The following SH3KBP1 variants were observed in gnomAD, a reference collection of about 807,000 sequenced individuals.
The protein encoded by SH3KBP1 is SH3 domain containing kinase binding protein 1.
In SH3KBP1, 8 loss-of-function variants were observed where a neutral mutation model predicts 50.1. That is an observed-to-expected ratio of 0.16 (90% CI 0.09 to 0.29). The LOEUF is 0.29. Ranked by LOEUF, SH3KBP1 falls within the 10% of genes least tolerant of loss-of-function variation. SH3KBP1 has a pLI of 1.00. For synonymous variants in SH3KBP1, 227 were observed against 218.6 expected, an observed-to-expected ratio of 1.04 and a Z score of -0.34; for missense variants, 377 against 535.2, an observed-to-expected ratio of 0.70 and a Z score of 2.92.
intron 2 of SH3KBP1, among the ~76,000 whole-genome samples, chrX:19,822,141 G>C (rs983124143): frequency 8.9e-6 from 1 of 111,965 alleles, no homozygotes; most frequent in African/African-American, 3.2e-5. Context: ...ATGTATCTTG[G>C]CATAGATTTC....
chrX:19,788,269 C>CAAAAAAAAA (rs1227301099), intron 2 of SH3KBP1, among the ~76,000 whole-genome samples: 8 of 25,558 alleles, frequency 3.1e-4, no homozygotes, highest in African/African-American at 6.0e-4. Context: ...ATTCTATCTC[C>CAAAAAAAAA]AAAAAAAAAA....
At chrX:19,617,871 T>C (rs1249881051) in intron 8 of SH3KBP1, among the ~76,000 whole-genome samples, 2 of 111,052 alleles carry the variant, frequency 1.8e-5, no homozygotes, top group Non-Finnish European at 3.8e-5. Context: ...GAAGTAACCT[T>C]TGAGTTCAGA....
rs772898760 is a variant in SH3KBP1, at chrX:19,661,552, C to CTT, written c.727-16079_727-16078dup. Among the ~76,000 whole-genome samples, 168 of 67,057 alleles carry CTT rather than the reference C, an allele frequency of 2.5e-3. 1 individual carries two copies. Among genetic ancestry groups the CTT allele is most frequent in the African/African-American group, 6.4e-3 (121 of 18,931 alleles). 58.2% of individuals were successfully genotyped at this position (67,057 alleles called of 115,157 possible). On this transcript the variant is annotated intron_variant, in intron 6 of 17. Coordinates refer to ENST00000397821, the MANE Select transcript of SH3KBP1 (RefSeq NM_031892.3). ...ATTATCAGTTCTTTTTAGCTTTTTA[C>CTT]TTTTTTTTTTTTTTTTTACTTTTAA... is the stretch of plus-strand genomic sequence containing the variant.
At chrX:19,686,699 G>GA (rs1299589166) in intron 5 of SH3KBP1, among the ~76,000 whole-genome samples, 2 of 110,159 alleles carry the variant, frequency 1.8e-5, no homozygotes, top group Admixed American at 9.6e-5. Context: ...GAGTGGCAAG[G>GA]AAAAAAAACT....
intron 8 of SH3KBP1, among the ~76,000 whole-genome samples, chrX:19,610,793 T>C (rs1304309104): frequency 8.9e-6 from 1 of 112,127 alleles, no homozygotes; most frequent in Non-Finnish European, 1.9e-5. Flanking sequence ...CATGTGTGAA[T>C]GGTTTGCTTA....
At chrX:19,594,859 A>C (rs1602597346) in intron 10 of SH3KBP1, 90 bp downstream of exon 10, 3 of 700,491 alleles carry the variant, frequency 4.3e-6, no homozygotes, top group Middle Eastern at 3.0e-4. Flanking sequence ...CACTTGAACC[A>C]GGAATCCCGA....
At chrX:19,613,102 C>T (rs1385209110) in intron 8 of SH3KBP1, among the ~76,000 whole-genome samples, 1 of 112,120 alleles carries the variant, frequency 8.9e-6, no homozygotes. Context: ...CTTGTGAGGC[C>T]CGACTGCCAT....
chrX:19,854,536 T>C (rs1232187675), intron 1 of SH3KBP1, among the ~76,000 whole-genome samples: 1 of 112,229 alleles, frequency 8.9e-6, no homozygotes, highest in Non-Finnish European at 1.9e-5. Context: ...AACCACATAA[T>C]AGGTCTGGAA....
intron 17 of SH3KBP1, 74 bp downstream of exon 17, chrX:19,537,643 G>T: frequency 1.2e-6 from 1 of 849,894 alleles, no homozygotes; most frequent in South Asian, 2.1e-5. Flanking sequence ...ATTTATTTTT[G>T]AAATAAAAGC....
At chrX:19,731,112 T>C (rs1304175989) in intron 3 of SH3KBP1, among the ~76,000 whole-genome samples, 2 of 110,782 alleles carry the variant, frequency 1.8e-5, no homozygotes, top group African/African-American at 6.6e-5. Context: ...GCTAATTTTG[T>C]ATTTCTAGTA....
rs752813115 is a variant in SH3KBP1 at position 19,542,132 on chromosome X, C to T, written c.1685G>A (p.Gly562Glu). 3 of 1,199,842 alleles carry T rather than the reference C, an allele frequency of 2.5e-6. No individual in the cohort carries two copies. The highest frequency in any genetic ancestry group is 3.4e-6 in the Non-Finnish European group (3 of 888,543). ...KPGTMAAGGG[G>E]PAPLSSAAPS... is the part of the protein sequence containing the mutation. ...CGCCGCTGAGGACAGAGGGGCTGGC[C>T]CACCGCCACCTGCTGCCATGGTCCC... The change falls in exon 16 of 18, where the codon GGG becomes GAG. Residue 562 changes from glycine to glutamate, a missense_variant. Gly to Glu is a moderately conservative substitution (Grantham distance 98). Transcript: ENST00000397821.
At chrX:19,804,129 G>A (rs993257992) in intron 2 of SH3KBP1, among the ~76,000 whole-genome samples, 4 of 111,394 alleles carry the variant, frequency 3.6e-5, no homozygotes, top group African/African-American at 6.5e-5. Flanking sequence ...CTAAGATCGC[G>A]CCACCGCACT....
At chrX:19,543,438 G>A (rs1218542814) in intron 15 of SH3KBP1, among the ~76,000 whole-genome samples, 1 of 111,813 alleles carries the variant, frequency 8.9e-6, no homozygotes, top group Non-Finnish European at 1.9e-5. Flanking sequence ...CAGAAGGAAC[G>A]AAGTGGTTGC....
At chrX:19,617,965 A>ACTTC (rs1387279442) in intron 8 of SH3KBP1, among the ~76,000 whole-genome samples, 1 of 112,170 alleles carries the variant, frequency 8.9e-6, no homozygotes, top group East Asian at 2.8e-4. Context: ...AGAGAACAGG[A>ACTTC]CTTCCACAGG....
chrX:19,830,335 G>A (rs1214445445), intron 2 of SH3KBP1, among the ~76,000 whole-genome samples: 2 of 104,510 alleles, frequency 1.9e-5, no homozygotes, highest in Non-Finnish European at 3.9e-5. Context: ...ACGCACTTAC[G>A]TAGAAACAAA....
chrX:19,605,169 C>G (rs1000893522), intron 9 of SH3KBP1, among the ~76,000 whole-genome samples: 9 of 110,423 alleles, frequency 8.2e-5, no homozygotes, highest in African/African-American at 2.6e-4. Context: ...TTTACTGCCC[C>G]CCCCCAAGAC....
chrX:19,800,068 A>G lies in SH3KBP1; in HGVS notation c.162+36057T>C, dbSNP rs759043272. On this transcript the variant is annotated intron_variant, in intron 2 of 17. Transcript: ENST00000397821. ...AAATGGAGATTATTTGAGACAGCTG[A>G]AACACTCCACCCAGGCCTCCAGAAG... Among the ~76,000 whole-genome samples, 137 of 111,265 alleles carry G rather than the reference A, an allele frequency of 1.2e-3. 2 individuals carry two copies. The highest frequency in any genetic ancestry group is 4.3e-3 in the African/African-American group (132 of 30,569).
At chrX:19,692,673 G>A (rs184455704) in intron 5 of SH3KBP1, among the ~76,000 whole-genome samples, 14,864 of 76,198 alleles carry the variant, frequency 0.2, 1,717 homozygotes, top group African/African-American at 0.38. Flanking sequence ...GTGTGTGTAT[G>A]TATATATATA....
intron 2 of SH3KBP1, among the ~76,000 whole-genome samples, chrX:19,770,733 A>AATAATAATAATACTCAC (rs1160495004): frequency 1.9e-4 from 20 of 108,092 alleles, no homozygotes; most frequent in African/African-American, 6.8e-4. Context: ...TTTTAATAAT[A>AATAATAATAATACTCAC]GCCATTCTGA....
Sources: allele counts gnomAD v4.1 joint callset (sites outside exome capture counted in the v4.1 genomes callset), GRCh38; gene constraint gnomAD v4.1.1; transcripts MANE v1.5; gene names NCBI Gene and HGNC (gene_info 2026-07-23, HGNC 2026-07-21).